Variants in APOL3 observed in about 807,000 individuals in gnomAD.
APOL3 encodes the protein apolipoprotein L3, also known as TNF-inducible protein CG12-1.
APOL3 carries 14 observed loss-of-function variants against 11.6 expected under a neutral mutation model. The observed-to-expected ratio is 1.21, with a 90% CI of 0.80 to 1.89. APOL3 has a LOEUF of 1.89. Among genes scored for constraint, APOL3 ranks in the 40% most tolerant of loss-of-function variants. The probability of loss-of-function intolerance (pLI) is 0.00; values close to 1 mark genes in which losing one functional copy is unlikely to be tolerated. For synonymous variants in APOL3, 192 were observed against 190.6 expected (o/e 1.01, Z -0.06); for missense variants, 483 against 492.1 (o/e 0.98, Z 0.17).
Position 36,141,161 on chromosome 22 carries a change from G to A in APOL3, c.*39C>T, listed in dbSNP as rs761700565. Reference sequence around the variant, plus strand: ...ATGCCTGCATTTTGTCGTGGCCTGTGTATGGCTCACCTCCCCTGCTGGCTG... The same window carrying A: ...ATGCCTGCATTTTGTCGTGGCCTGTATATGGCTCACCTCCCCTGCTGGCTG... On this transcript the variant is annotated 3_prime_UTR_variant, in exon 3 of 3. Transcript: ENST00000349314. 5.7e-6 allele frequency: 9 copies of A among 1,591,148 alleles called. No homozygotes were observed. The Admixed American group carries it at 8.7e-5, about 15-fold the overall frequency.
chr22:36,142,105 T>C, intron 2 of APOL3, 47 bp from the exon 4 acceptor site: 3 of 1,536,722 alleles, frequency 2.0e-6, no homozygotes, highest in Non-Finnish European at 2.6e-6. Context: ...CTTACTTATC[T>C]GTAAAATCAG....
chr22:36,149,976 A>G (rs1283425547), intron 1 of APOL3: 3 of 412,312 alleles, frequency 7.3e-6, no homozygotes, highest in Non-Finnish European at 1.4e-5. Flanking sequence ...TAGGCACATT[A>G]AAAAAAAATT....
At chr22:36,146,516 G>A (rs982290096) in intron 1 of APOL3, 1 of 152,052 alleles carries the variant, frequency 6.6e-6, no homozygotes, top group South Asian at 2.1e-4. Flanking sequence ...AACACAGCAA[G>A]AGTGAGTATT....
At chr22:36,157,506 A>G (rs1164699152) in intron 1 of APOL3, among the ~76,000 whole-genome samples, 2 of 152,222 alleles carry the variant, frequency 1.3e-5, no homozygotes, top group Non-Finnish European at 2.9e-5. Flanking sequence ...TTAAAACTAT[A>G]CTAGAAGAAA....
At chr22:36,146,711 T>C (rs2060234945) in intron 1 of APOL3, among the ~76,000 whole-genome samples, 1 of 152,224 alleles carries the variant, frequency 6.6e-6, no homozygotes, top group South Asian at 2.1e-4. Flanking sequence ...ACGCTACAAA[T>C]GTTTCAACCT....
exon 3 of APOL3, chr22:36,140,969 C>T (rs1189920336): frequency 1.7e-6 from 1 of 580,600 alleles, no homozygotes; most frequent in Non-Finnish European, 3.0e-6. Context: ...CCACACTCTC[C>T]AGTCCCCTCT....
At chr22:36,156,170 C>T (rs1436212001) in intron 1 of APOL3, 1 of 154,138 alleles carries the variant, frequency 6.5e-6, no homozygotes, top group Admixed American at 6.5e-5. Flanking sequence ...CCATAACTCA[C>T]TGTAGTGTTG....
intron 1 of APOL3, chr22:36,154,625 TCTC>T (rs780762356): frequency 2.1e-6 from 1 of 471,074 alleles, no homozygotes; most frequent in Non-Finnish European, 4.4e-6. Context: ...GCTGTGTTAT[TCTC>T]CTATGGACAG....
At chr22:36,142,592 G>A (rs1350195325) in intron 2 of APOL3, among the ~76,000 whole-genome samples, 1 of 152,136 alleles carries the variant, frequency 6.6e-6, no homozygotes, top group Non-Finnish European at 1.5e-5. Context: ...GCACAGTATA[G>A]CAATGTTATG....
intron 2 of APOL3, among the ~76,000 whole-genome samples, chr22:36,144,776 G>A (rs533938189): frequency 2.2e-4 from 33 of 152,184 alleles, no homozygotes; most frequent in African/African-American, 7.5e-4. Context: ...TTGGGAGGCC[G>A]AGGCGGGAGG....
At chr22:36,156,635 A>C in intron 1 of APOL3, 2 of 212,582 alleles carry the variant, frequency 9.4e-6, no homozygotes, top group South Asian at 7.1e-5. Context: ...CACCTTCCCC[A>C]CCATGTGCAA....
chr22:36,144,307 C>T (rs1015677199), intron 2 of APOL3, among the ~76,000 whole-genome samples: 1 of 152,272 alleles, frequency 6.6e-6, no homozygotes, highest in Admixed American at 6.5e-5. Flanking sequence ...CCACCCCTGC[C>T]CCATCCTGAC....
At chr22:36,151,119 G>A (rs557099350) in intron 1 of APOL3, among the ~76,000 whole-genome samples, 5 of 151,934 alleles carry the variant, frequency 3.3e-5, no homozygotes, top group Admixed American at 6.6e-5. Context: ...CACAGTAGCC[G>A]TGAGTCTACA....
intron 1 of APOL3, chr22:36,156,823 G>A (rs1265060651): frequency 2.6e-6 from 1 of 391,242 alleles, no homozygotes; most frequent in Non-Finnish European, 5.2e-6. Flanking sequence ...GGTGTTCCCA[G>A]CTGCATCCCC....
At chr22:36,140,970 A>T (rs2059962376) in exon 3 of APOL3, 2 of 581,672 alleles carry the variant, frequency 3.4e-6, no homozygotes, top group Non-Finnish European at 5.9e-6. Flanking sequence ...CACACTCTCC[A>T]GTCCCCTCTC....
chr22:36,141,339 A>G (rs770419386), exon 3 of APOL3: 1 of 1,614,192 alleles, frequency 6.2e-7, no homozygotes, highest in Non-Finnish European at 8.5e-7. Context: ...TGACTCGTAT[A>G]CAAGGTTGAC....
intron 1 of APOL3, chr22:36,154,489 C>T: frequency 2.4e-6 from 1 of 409,480 alleles, no homozygotes; most frequent in Non-Finnish European, 5.0e-6. Flanking sequence ...TTGGTTTTAA[C>T]AAGAAGAGCA....
upstream of APOL3, chr22:36,161,040 T>C: frequency 1.2e-5 from 8 of 681,892 alleles, no homozygotes; most frequent in African/African-American, 1.8e-5. Context: ...TGAAAGACTA[T>C]GAGACCCTCC....
At chr22:36,156,083 T>G (rs2012762177) in intron 1 of APOL3, 1 of 182,126 alleles carries the variant, frequency 5.5e-6, no homozygotes, top group African/African-American at 2.4e-5. Flanking sequence ...ACCGTGCTCC[T>G]CCTGAGGAAT....
Sources: allele counts gnomAD v4.1 joint callset (sites outside exome capture counted in the v4.1 genomes callset), GRCh38; gene constraint gnomAD v4.1.1; transcripts MANE v1.5; gene names NCBI Gene and HGNC (gene_info 2026-07-23, HGNC 2026-07-21).